Variants in SLC39A11 observed in about 807,000 individuals in gnomAD.
The protein encoded by SLC39A11 is solute carrier family 39 member 11.
In SLC39A11, 33 loss-of-function variants were observed where a neutral mutation model predicts 36.1. That is an observed-to-expected ratio of 0.91 (90% CI 0.69 to 1.22). The LOEUF is 1.22. Ranked by LOEUF, SLC39A11 falls within the 50% of genes most tolerant of loss-of-function variation. The probability of loss-of-function intolerance (pLI) is 0.00; values close to 1 mark genes in which losing one functional copy is unlikely to be tolerated. For synonymous variants in SLC39A11, 166 were observed against 170.3 expected, an observed-to-expected ratio of 0.97 and a Z score of 0.20; for missense variants, 432 against 430.3, an observed-to-expected ratio of 1.00 and a Z score of -0.03.
chr17:72,981,873 AAAGAC>A (rs2088345285), intron 4 of SLC39A11, among the ~76,000 whole-genome samples: 2 of 152,200 alleles, frequency 1.3e-5, no homozygotes, highest in Non-Finnish European at 2.9e-5. Flanking sequence ...AAAGTAAGAG[AAAGAC>A]ACAGACACTT....
chr17:73,078,082 C>T (rs887681304), intron 3 of SLC39A11, among the ~76,000 whole-genome samples: 2 of 151,588 alleles, frequency 1.3e-5, no homozygotes, highest in Non-Finnish European at 2.9e-5. Flanking sequence ...ACTAAAAATA[C>T]AAAAAATTAG....
chr17:73,037,820 A>T (rs541056268), intron 3 of SLC39A11, among the ~76,000 whole-genome samples: 3 of 152,362 alleles, frequency 2.0e-5, no homozygotes, highest in African/African-American at 7.2e-5. Flanking sequence ...GCCAGGGGGA[A>T]GGTTTGGGTG....
chr17:72,764,791 T>C lies in SLC39A11; in HGVS notation c.602-28072A>G, dbSNP rs1598626370. Among the ~76,000 whole-genome samples, 4 of 152,108 alleles carry C rather than the reference T, an allele frequency of 2.6e-5. No individual in the cohort carries two copies. The East Asian group carries it at 7.8e-4, about 29-fold the overall frequency. ...CCCAGCAATAGGAGAGAAAAATGAG[T>C]ATCAGTGCTGGTGGGGAGTTCAGGC... On this transcript the variant is annotated intron_variant, in intron 6 of 9. Coordinates refer to ENST00000255559, the MANE Select transcript of SLC39A11 (RefSeq NM_139177.4).
At chr17:72,815,856 G>A (rs560998945) in intron 6 of SLC39A11, among the ~76,000 whole-genome samples, 250 of 152,288 alleles carry the variant, frequency 1.6e-3, no homozygotes, top group African/African-American at 5.7e-3. Flanking sequence ...GGGAGGTGGA[G>A]GCTGCAGTGA....
At chr17:72,917,443 G>C (rs1048065020) in intron 5 of SLC39A11, among the ~76,000 whole-genome samples, 3 of 152,170 alleles carry the variant, frequency 2.0e-5, no homozygotes, top group African/African-American at 7.2e-5. Context: ...GAGGGAAGAA[G>C]TGAGGGGGGA....
chr17:72,892,409 C>CAA (rs565811065), intron 5 of SLC39A11, among the ~76,000 whole-genome samples: 67 of 65,670 alleles, frequency 1.0e-3, no homozygotes, highest in Non-Finnish European at 1.3e-3. Context: ...GACTCCATCT[C>CAA]AAAAAAAAAA....
intron 6 of SLC39A11, among the ~76,000 whole-genome samples, chr17:72,761,271 C>A (rs992764544): frequency 6.6e-6 from 1 of 152,096 alleles, no homozygotes; most frequent in African/African-American, 2.4e-5. Flanking sequence ...CCCGCCACCA[C>A]GCCTGGCTAA....
chr17:72,860,002 T>C (rs1201455997), intron 5 of SLC39A11, among the ~76,000 whole-genome samples: 4 of 70,670 alleles, frequency 5.7e-5, no homozygotes, highest in African/African-American at 4.1e-4. Flanking sequence ...GAAAAGAGAC[T>C]AGACGAGGAG....
chr17:72,998,496 G>C (rs1294544001), intron 4 of SLC39A11, among the ~76,000 whole-genome samples: 1 of 152,188 alleles, frequency 6.6e-6, no homozygotes, highest in East Asian at 1.9e-4. Context: ...GTAATTGCTT[G>C]TTTATATAAT....
Position 72,868,145 on chromosome 17 carries a change from A to T in SLC39A11, c.431-18341T>A, listed in dbSNP as rs1023761586. 2.6e-4 allele frequency among the ~76,000 whole-genome samples: 39 copies of T among 152,238 alleles called. 1 individual carries two copies. The highest frequency in any genetic ancestry group is 9.2e-4 in the African/African-American group (38 of 41,460). On this transcript the variant is annotated intron_variant, in intron 5 of 9. Transcript: ENST00000255559. ...CGTTCGCTGCTCAAATAAACTCTTG[A>T]AAGTTTTTATGTGCCTAAATTTAAC... is the stretch of plus-strand genomic sequence containing the variant.
At chr17:72,810,829 G>A (rs2077411845) in intron 6 of SLC39A11, among the ~76,000 whole-genome samples, 1 of 151,968 alleles carries the variant, frequency 6.6e-6, no homozygotes, top group Non-Finnish European at 1.5e-5. Context: ...GGGATTATAG[G>A]TGCACACCAC....
At chr17:72,901,451 G>C (rs895821227) in intron 5 of SLC39A11, among the ~76,000 whole-genome samples, 1 of 152,190 alleles carries the variant, frequency 6.6e-6, no homozygotes, top group African/African-American at 2.4e-5. Flanking sequence ...GGTGTGTCCT[G>C]TCTCCGTACA....
chr17:72,870,193 C>A (rs1172363253), intron 5 of SLC39A11, among the ~76,000 whole-genome samples: 1 of 152,078 alleles, frequency 6.6e-6, no homozygotes, highest in Non-Finnish European at 1.5e-5. Flanking sequence ...ACTGAGAAAC[C>A]CTGATCTGAG....
In SLC39A11 at chr17:72,739,129, A is replaced by AT. The variant is rs10531579; in HGVS notation, c.602-2411dup. On this transcript the variant is annotated intron_variant, in intron 6 of 9. Coordinates refer to ENST00000255559, the MANE Select transcript of SLC39A11 (RefSeq NM_139177.4). ...GTAAGCTGCAGGTTGAGAATTTCGG[A>AT]TTTTTTTTTTTTTTTTGAGACACAG... 9.9e-3 allele frequency among the ~76,000 whole-genome samples: 1,421 copies of AT among 143,710 alleles called. 38 individuals are homozygous for AT. The highest frequency in any genetic ancestry group is 0.056 in the Admixed American group (813 of 14,444). The allele number at this position is 143,710 out of a possible 152,430, so 94.3% of individuals were successfully genotyped here.
intron 7 of SLC39A11, among the ~76,000 whole-genome samples, chr17:72,716,992 TACACACACAC>T (rs367641582): frequency 6.3e-5 from 8 of 126,446 alleles, no homozygotes; most frequent in South Asian, 2.4e-4. Flanking sequence ...TATATATATA[TACACACACAC>T]ACACACACAC....
intron 4 of SLC39A11, among the ~76,000 whole-genome samples, chr17:72,983,911 T>A (rs923143999): frequency 6.6e-6 from 1 of 152,156 alleles, no homozygotes; most frequent in Non-Finnish European, 1.5e-5. Flanking sequence ...GAAGTGGGGA[T>A]CTGTGAAATC....
intron 6 of SLC39A11, among the ~76,000 whole-genome samples, chr17:72,846,018 C>CTCTTTTTTTTT (rs2079035587): frequency 3.6e-4 from 21 of 57,954 alleles, no homozygotes; most frequent in Non-Finnish European, 6.0e-4. Context: ...CTCTCTCTCT[C>CTCTTTTTTTTT]TTTTTTTTTT....
intron 6 of SLC39A11, among the ~76,000 whole-genome samples, chr17:72,829,139 C>A (rs1217184393): frequency 1.3e-5 from 2 of 152,000 alleles, no homozygotes; most frequent in Non-Finnish European, 2.9e-5. Flanking sequence ...ATCACTTGAG[C>A]ACAAGAGTTT....
intron 3 of SLC39A11, among the ~76,000 whole-genome samples, chr17:73,081,664 CACACACAT>C (rs1203125491): frequency 1.6e-5 from 2 of 122,484 alleles, no homozygotes; most frequent in African/African-American, 2.9e-5. Context: ...CACACACACA[CACACACAT>C]ATATATACAC....
Sources: gnomAD v4.1 joint callset for allele counts (sites outside exome capture counted in the v4.1 genomes callset) on GRCh38, gnomAD v4.1.1 for gene constraint, MANE v1.5 for transcripts, NCBI Gene and HGNC (gene_info 2026-07-23, HGNC 2026-07-21) for gene names.